Variants in ADGRL3 observed in about 807,000 individuals in gnomAD.
The protein encoded by ADGRL3 is adhesion G protein-coupled receptor L3, also known as calcium-independent alpha-latrotoxin receptor 3.
In ADGRL3, 62 loss-of-function variants were observed where a neutral mutation model predicts 153.5. The ratio of observed to expected loss-of-function variants is 0.40; its 90% CI spans 0.33 to 0.50. ADGRL3 has a LOEUF of 0.50. Ranked by LOEUF, ADGRL3 falls within the 20% of genes least tolerant of loss-of-function variation. The pLI is 0.47. For synonymous variants in ADGRL3, 710 were observed against 672.5 expected (o/e 1.06, Z -0.86); for missense variants, 1,641 against 1,859.4 (o/e 0.88, Z 2.16).
At chr4:61,953,075 A>C (rs555715325) in intron 17 of ADGRL3, among the ~76,000 whole-genome samples, 10 of 152,204 alleles carry the variant, frequency 6.6e-5, no homozygotes, top group Non-Finnish European at 1.3e-4. Flanking sequence ...AAAAACAGAA[A>C]ACAAGGAGAC....
At chr4:61,844,562 AAAAAAAAAAAAAAATATATAT>A (rs1421833492) in intron 9 of ADGRL3, among the ~76,000 whole-genome samples, 1 of 72,048 alleles carries the variant, frequency 1.4e-5, no homozygotes, top group Non-Finnish European at 2.7e-5. Context: ...AAAAAAAAAA[AAAAAAAAAAAAAAATATATAT>A]ATATATATAT....
intron 4 of ADGRL3, among the ~76,000 whole-genome samples, chr4:61,582,808 A>G (rs546342741): frequency 6.6e-6 from 1 of 152,110 alleles, no homozygotes; most frequent in Non-Finnish European, 1.5e-5. Context: ...ATATGAAATG[A>G]CCTTCTGTGT....
intron 6 of ADGRL3, among the ~76,000 whole-genome samples, chr4:61,685,985 G>T (rs769794671): frequency 1.2e-4 from 18 of 151,616 alleles, no homozygotes; most frequent in Middle Eastern, 3.4e-3. Flanking sequence ...GTAAGGAATC[G>T]AGATGAATTG....
chr4:61,714,218 T>TATGCACACACACAC (rs1554010615), intron 6 of ADGRL3, among the ~76,000 whole-genome samples: 1 of 128,882 alleles, frequency 7.8e-6, no homozygotes, highest in Non-Finnish European at 1.8e-5. Context: ...CCATGTAAAA[T>TATGCACACACACAC]ACGCACACAC....
At chr4:61,975,786 G>T (rs115577332) in intron 17 of ADGRL3, among the ~76,000 whole-genome samples, 1 of 152,080 alleles carries the variant, frequency 6.6e-6, no homozygotes, top group African/African-American at 2.4e-5. Flanking sequence ...AATGTAGTGC[G>T]TGAAGGAAAT....
intron 2 of ADGRL3, among the ~76,000 whole-genome samples, chr4:61,472,845 G>A (rs1560692599): frequency 1.3e-5 from 2 of 151,992 alleles, no homozygotes; most frequent in South Asian, 2.1e-4. Context: ...TTTTTTGGGG[G>A]TTGTAGCTTT....
chr4:61,291,489 GAATTCTGGT>G (rs1394455339), intron 1 of ADGRL3, among the ~76,000 whole-genome samples: 1 of 150,782 alleles, frequency 6.6e-6, no homozygotes, highest in Non-Finnish European at 1.5e-5. Context: ...AAGCATTTGT[GAATTCTGGT>G]ATCCTGGAGT....
intron 15 of ADGRL3, among the ~76,000 whole-genome samples, chr4:61,938,586 A>T (rs1276006878): frequency 6.6e-6 from 1 of 152,152 alleles, no homozygotes; most frequent in East Asian, 1.9e-4. Context: ...CTGCTGTGAA[A>T]TGTCACTGCT....
chr4:61,358,500 G>A (rs2096224445), intron 1 of ADGRL3, among the ~76,000 whole-genome samples: 1 of 150,092 alleles, frequency 6.7e-6, no homozygotes, highest in African/African-American at 2.4e-5. Context: ...GGGAGGCTGA[G>A]GCAGGAGAAT....
At chr4:61,349,577 G>T (rs1453068547) in intron 1 of ADGRL3, among the ~76,000 whole-genome samples, 1 of 151,868 alleles carries the variant, frequency 6.6e-6, no homozygotes, top group Admixed American at 6.6e-5. Flanking sequence ...CAGACTCCTG[G>T]TTGCATTGTT....
intron 2 of ADGRL3, among the ~76,000 whole-genome samples, chr4:61,492,125 T>C (rs2098265430): frequency 6.6e-6 from 1 of 152,152 alleles, no homozygotes. Flanking sequence ...ACCATTACAA[T>C]AATGCCAAAT....
At chr4:61,420,732 C>T (rs925218204) in intron 2 of ADGRL3, 59 of 137,768 alleles carry the variant, frequency 4.3e-4, no homozygotes, top group African/African-American at 1.6e-3. Context: ...GGCTTAAAGT[C>T]TCATTTGTGT....
In ADGRL3 at chr4:61,590,681, T is replaced by TA. The variant is rs1579716918; in HGVS notation, c.473+3242dup. Among the ~76,000 whole-genome samples, 7 of 152,256 alleles carry TA rather than the reference T, an allele frequency of 4.6e-5. No homozygotes were observed. The East Asian group carries it at 1.4e-3, about 29-fold the overall frequency. ...ACCATTTGCTCAACATTTTACTTTT[T>TA]ATCTCATTTATATGTATTGAAGAGA... On this transcript the variant is annotated intron_variant, in intron 5 of 26. Coordinates refer to ENST00000683033, the MANE Select transcript of ADGRL3 (RefSeq NM_001387552.1).
At chr4:61,589,468 A>T (rs1327682050) in intron 5 of ADGRL3, among the ~76,000 whole-genome samples, 1 of 152,130 alleles carries the variant, frequency 6.6e-6, no homozygotes, top group Admixed American at 6.6e-5. Flanking sequence ...ATTACTACTT[A>T]TGGTATGGAC....
intron 5 of ADGRL3, among the ~76,000 whole-genome samples, chr4:61,605,121 G>GA (rs60290027): frequency 4.0e-4 from 53 of 131,244 alleles, no homozygotes; most frequent in Middle Eastern, 4.0e-3. Context: ...AAAAGAGAAG[G>GA]AAAAAAAAAA....
intron 2 of ADGRL3, among the ~76,000 whole-genome samples, chr4:61,400,305 C>T (rs1411170902): frequency 2.6e-5 from 4 of 151,714 alleles, no homozygotes; most frequent in Non-Finnish European, 5.9e-5. Flanking sequence ...TATTACTTTA[C>T]TATATCAGAC....
Position 62,018,656 on chromosome 4 carries a change from C to T in ADGRL3, c.3396-10199C>T, listed in dbSNP as rs117823810. Among the ~76,000 whole-genome samples, 83 of 152,118 alleles carry T rather than the reference C, an allele frequency of 5.5e-4. No individual in the cohort carries two copies. The East Asian group carries it at 0.015, about 28-fold the overall frequency. On this transcript the variant is annotated intron_variant, in intron 21 of 26. Transcript: ENST00000683033. ...TGCGAAGGTGGCAGACAAGTAGGAGCCCAGCTGGGATTGGCGTAGGAAGGA... is the reference window on the plus strand; with the variant it reads ...TGCGAAGGTGGCAGACAAGTAGGAGTCCAGCTGGGATTGGCGTAGGAAGGA...
chr4:61,643,801 C>T (rs1380477103), intron 5 of ADGRL3, among the ~76,000 whole-genome samples: 1 of 145,554 alleles, frequency 6.9e-6, no homozygotes, highest in Non-Finnish European at 1.5e-5. Flanking sequence ...ATGCTGGCCT[C>T]ATAAAATGAG....
At chr4:61,901,084 A>T (rs971060668) in intron 11 of ADGRL3, among the ~76,000 whole-genome samples, 2 of 152,200 alleles carry the variant, frequency 1.3e-5, no homozygotes, top group Non-Finnish European at 2.9e-5. Context: ...GTGATAGTAT[A>T]GTTCTGTATA....
Sources: allele counts gnomAD v4.1 joint callset (sites outside exome capture counted in the v4.1 genomes callset), GRCh38; gene constraint gnomAD v4.1.1; transcripts MANE v1.5; gene names NCBI Gene and HGNC (gene_info 2026-07-23, HGNC 2026-07-21).